AFDN: variants seen among roughly 807,000 people sequenced by gnomAD.
AFDN encodes afadin, adherens junction formation factor.
A neutral mutation model predicts 216.6 loss-of-function variants in AFDN; 68 were observed. The ratio of observed to expected loss-of-function variants is 0.31; its 90% confidence interval spans 0.26 to 0.38. The LOEUF (loss-of-function observed/expected upper bound fraction) is 0.38. Among genes scored for constraint, AFDN ranks in the 10% least tolerant of loss-of-function variants. The pLI, the probability that AFDN is intolerant of heterozygous loss-of-function variation, is 1.00. For missense variants in AFDN, 2,136 were observed against 2,342.0 expected (o/e 0.91, Z 1.82); for synonymous variants, 868 against 853.7 (o/e 1.02, Z -0.29).
At chr6:167,880,980 G>C (rs1187280029) in intron 6 of AFDN, among the ~76,000 whole-genome samples, 1 of 152,216 alleles carries the variant, frequency 6.6e-6, no homozygotes, top group Admixed American at 6.5e-5. Context: ...TTTAGGATCA[G>C]TTTGTCAGTG....
chr6:167,936,089 C>A (rs1247775502), intron 23 of AFDN, among the ~76,000 whole-genome samples: 1 of 152,056 alleles, frequency 6.6e-6, no homozygotes, highest in Non-Finnish European at 1.5e-5. Context: ...AACATGCAGT[C>A]AATATAAAAA....
At chr6:167,830,505 C>T (rs1779708207) in intron 1 of AFDN, among the ~76,000 whole-genome samples, 1 of 152,110 alleles carries the variant, frequency 6.6e-6, no homozygotes, top group African/African-American at 2.4e-5. Context: ...GTTTATTAGG[C>T]CAGTGAGTAT....
At chr6:167,831,426 T>C (rs1278277897) in intron 1 of AFDN, among the ~76,000 whole-genome samples, 1 of 152,222 alleles carries the variant, frequency 6.6e-6, no homozygotes, top group African/African-American at 2.4e-5. Flanking sequence ...CTTTAATAAC[T>C]GGTTACGTTT....
chr6:167,954,806 A>G (rs1441024214), intron 30 of AFDN, among the ~76,000 whole-genome samples: 1 of 152,228 alleles, frequency 6.6e-6, no homozygotes, highest in Non-Finnish European at 1.5e-5. Context: ...AAATTTTGTA[A>G]TGAGTAATCT....
At chr6:167,929,755 G>A (rs949555301) in intron 23 of AFDN, among the ~76,000 whole-genome samples, 1 of 152,224 alleles carries the variant, frequency 6.6e-6, no homozygotes, top group African/African-American at 2.4e-5. Context: ...AGACCTGTGT[G>A]TCCCTTTTCT....
chr6:167,954,375 C>T (rs1350257035), intron 30 of AFDN: 10 of 1,114,482 alleles, frequency 9.0e-6, no homozygotes, highest in African/African-American at 3.2e-5. Context: ...GAAAATATGC[C>T]GATGGCAGAT....
intron 17 of AFDN, 37 bp from the exon 18 acceptor site, chr6:167,914,607 C>T: frequency 7.1e-7 from 1 of 1,415,802 alleles, no homozygotes; most frequent in Non-Finnish European, 1.0e-6. Flanking sequence ...AGCTGTCTGT[C>T]ATGCTAAGAT....
At chr6:167,928,110 A>C (rs1342186822) in intron 23 of AFDN, among the ~76,000 whole-genome samples, 2 of 152,262 alleles carry the variant, frequency 1.3e-5, no homozygotes, top group Admixed American at 1.3e-4. Context: ...TTGCAGTACA[A>C]AACTATTTGT....
chr6:167,866,384 TCA>T (rs1784189706), intron 2 of AFDN, among the ~76,000 whole-genome samples: 1 of 152,210 alleles, frequency 6.6e-6, no homozygotes, highest in Admixed American at 6.5e-5. Context: ...ATGCAGGTTC[TCA>T]GTCTTTTCTG....
chr6:167,962,803 C>G lies in AFDN; in HGVS notation c.4968+236C>G. 2 of 1,367,584 alleles carry G rather than the reference C, an allele frequency of 1.5e-6. No homozygotes were observed. Among genetic ancestry groups the G allele is most frequent in the Non-Finnish European group, 1.9e-6 (2 of 1,059,560 alleles). The allele number at this position is 1,367,584 out of a possible 1,614,324, so 84.7% of individuals were successfully genotyped here. The stretch of plus-strand genomic sequence containing the variant: ...GCCAAGTTTTGTCTCCTTCAAACTT[C>G]TGAACTCTTGGGCGTGTGTAGCAGT... On this transcript the variant is annotated intron_variant, in intron 31 of 33. Coordinates refer to ENST00000683244, the MANE Select transcript of AFDN (RefSeq NM_001386888.1). The surrounding 1 kb of genome is among the most constrained non-coding windows in gnomAD (Gnocchi z 5.2).
intron 26 of AFDN, among the ~76,000 whole-genome samples, chr6:167,945,111 A>G (rs1271905327): frequency 6.6e-6 from 1 of 152,162 alleles, no homozygotes; most frequent in Non-Finnish European, 1.5e-5. Flanking sequence ...ATGTTGTACA[A>G]CTGTACAAAA....
intron 4 of AFDN, among the ~76,000 whole-genome samples, chr6:167,873,772 ATATT>A (rs983146271): frequency 8.5e-5 from 13 of 152,208 alleles, no homozygotes; most frequent in African/African-American, 2.9e-4. Flanking sequence ...ATCTTTCCAC[ATATT>A]TATTAACCAT....
Position 167,870,463 on chromosome 6 carries a change from G to T in AFDN, c.379G>T (p.Val127Phe). The T allele has an allele frequency of 1.2e-6, 2 of 1,612,040 alleles. No homozygotes were observed. The highest frequency in any genetic ancestry group is 1.7e-6 in the Non-Finnish European group (2 of 1,178,980). Reference protein sequence around the residue: ...WNKDDREGRFVLKNENDAIPP... With the variant: ...WNKDDREGRFFLKNENDAIPP... Reference sequence around the variant, plus strand: ...CAAAGATGATCGGGAAGGCAGATTTGTTCTTAAGAATGAGAATGACGCCAT... The same window carrying T: ...CAAAGATGATCGGGAAGGCAGATTTTTTCTTAAGAATGAGAATGACGCCAT... Residue 127 changes from valine (V) to phenylalanine (F), a missense_variant, in exon 3 of 34, where the codon GTT (valine) becomes TTT (phenylalanine). By Grantham distance (50) the Val-to-Phe change is conservative (BLOSUM62 -1). This residue lies in a region of AFDN where 817 missense variants were observed against 965.7 expected (regional missense o/e 0.85). Transcript: ENST00000683244.
At chr6:167,872,187 A>G in intron 3 of AFDN, 27 bp from the exon 4 acceptor site, 1 of 1,596,006 alleles carries the variant, frequency 6.3e-7, no homozygotes, top group South Asian at 1.2e-5. Context: ...ATAGTAGTCA[A>G]TATGGTGATA....
rs1490389772 is a variant in AFDN at position 167,944,164 on chromosome 6, A to G, written c.3358+105A>G. On this transcript the variant is annotated intron_variant, in intron 26 of 33. Transcript: ENST00000683244. ...CTGGTGTTACTATCGCCCCAGTTTT[A>G]AAGAGAAAGAAATTGAGGATGAGAG... 4 of 846,744 alleles carry G rather than the reference A, an allele frequency of 4.7e-6. No homozygotes were observed. In the East Asian group the frequency reaches 1.0e-4, roughly 22 times the overall value. 52.5% of individuals were successfully genotyped at this position (846,744 alleles called of 1,614,324 possible). A position where few individuals can be genotyped will look rare whatever the true frequency, so the allele number is the denominator to read the frequency against.
Position 167,962,431 on chromosome 6 carries a change from A to G in AFDN, c.4834-2A>G. 1 of 1,613,442 alleles carries G rather than the reference A, an allele frequency of 6.2e-7. No homozygotes were observed. Among genetic ancestry groups the G allele is most frequent in the African/African-American group, 1.3e-5 (1 of 74,994 alleles). On this transcript the variant is annotated splice_acceptor_variant, in intron 30 of 33. Transcript: ENST00000683244. LOFTEE classifies it high-confidence loss of function. The surrounding 1 kb of genome is among the most constrained non-coding windows in gnomAD (Gnocchi z 5.2). ...GGGAGATTAATGTCAGCCTGTTGTT[A>G]GTTGCAGGACGAGGAGCGGAGGCGG...
At chr6:167,868,774 T>TTC (rs1424728119) in intron 2 of AFDN, among the ~76,000 whole-genome samples, 1 of 150,210 alleles carries the variant, frequency 6.7e-6, no homozygotes, top group African/African-American at 2.5e-5. Context: ...TTTTTTTTTT[T>TTC]TTTTTTGAGA....
chr6:167,946,614 T>C, intron 26 of AFDN, 93 bp from the exon 27 acceptor site: 2 of 1,157,276 alleles, frequency 1.7e-6, no homozygotes. Flanking sequence ...TCACCTTATT[T>C]CTTATGCTAA....
At chr6:167,863,961 C>G (rs980861941) in intron 1 of AFDN, among the ~76,000 whole-genome samples, 2 of 152,150 alleles carry the variant, frequency 1.3e-5, no homozygotes, top group Non-Finnish European at 1.5e-5. Context: ...ATAATATATT[C>G]TTCAAAAATT....
Sources: gnomAD v4.1 joint callset for allele counts (sites outside exome capture counted in the v4.1 genomes callset) on GRCh38, gnomAD v4.1.1 for gene constraint, gnomAD v4.1.1 regional missense constraint, Gnocchi (gnomAD v3.1) non-coding constraint, MANE v1.5 for transcripts, NCBI Gene and HGNC (gene_info 2026-07-23, HGNC 2026-07-21) for gene names.